Variants in MAP3K2 observed in about 807,000 individuals in gnomAD.
The protein encoded by MAP3K2 is MAP/ERK kinase kinase 2.
In MAP3K2, 24 loss-of-function variants were observed where a neutral mutation model predicts 80.3. That is an observed-to-expected ratio of 0.30 (90% CI 0.22 to 0.42). The LOEUF (loss-of-function observed/expected upper bound fraction) is 0.42, where lower values mean the gene tolerates loss of function less well. MAP3K2 is among the 10% of genes least tolerant of loss of function. The pLI is 1.00. For missense variants in MAP3K2, 608 were observed against 750.1 expected (o/e 0.81, Z 2.21); for synonymous variants, 244 against 253.7 (o/e 0.96, Z 0.36).
rs1408866464 is a variant in MAP3K2 at position 127,306,806 on chromosome 2, T to C, written c.*773A>G. The C allele has an allele frequency of 6.6e-6, 1 of 152,410 alleles. No homozygotes were observed. Among genetic ancestry groups the C allele is most frequent in the African/African-American group, 2.4e-5 (1 of 41,366 alleles). 9.4% of individuals were successfully genotyped at this position (152,410 alleles called of 1,614,324 possible). A position where few individuals can be genotyped will look rare whatever the true frequency, so the allele number is the denominator to read the frequency against. On this transcript the variant is annotated 3_prime_UTR_variant, in exon 17 of 17. Transcript: ENST00000682094. This position sits in a 1 kb window ranked among gnomAD's most constrained non-coding sequence, Gnocchi z 4.7. The stretch of plus-strand genomic sequence containing the variant: ...AAGAGTGATGTCCTTTTGTCTTTTA[T>C]TTCTATTTGCTCACAACTTGACTTT...
chr2:127,309,317 T>C (rs576927677), intron 15 of MAP3K2, among the ~76,000 whole-genome samples: 2 of 152,188 alleles, frequency 1.3e-5, no homozygotes, highest in Non-Finnish European at 1.5e-5. Flanking sequence ...AAATGTCTCA[T>C]AGGCAGGCTT....
chr2:127,374,134 C>T (rs548569851), intron 1 of MAP3K2, among the ~76,000 whole-genome samples: 116 of 152,286 alleles, frequency 7.6e-4, no homozygotes, highest in African/African-American at 2.6e-3. Flanking sequence ...ACTCAGAGAG[C>T]TGAGATTGGA....
chr2:127,328,170 G>C (rs545354525), intron 7 of MAP3K2, among the ~76,000 whole-genome samples: 190 of 152,330 alleles, frequency 1.2e-3, no homozygotes, highest in Non-Finnish European at 2.3e-3. Context: ...AGTTATTCAG[G>C]AGGCTGAGGC....
chr2:127,324,405 C>A (rs895190012), intron 9 of MAP3K2, among the ~76,000 whole-genome samples, 164 bp from the exon 10 acceptor site: 1 of 152,186 alleles, frequency 6.6e-6, no homozygotes, highest in African/African-American at 2.4e-5. Flanking sequence ...ACTACACTTA[C>A]TTGGTACATG....
At chr2:127,373,675 C>T (rs1687102732) in intron 1 of MAP3K2, among the ~76,000 whole-genome samples, 1 of 152,194 alleles carries the variant, frequency 6.6e-6, no homozygotes, top group African/African-American at 2.4e-5. Context: ...AAACACTCCC[C>T]TACAGGGTTA....
chr2:127,356,948 G>A (rs1239996845), intron 1 of MAP3K2, among the ~76,000 whole-genome samples: 9 of 152,236 alleles, frequency 5.9e-5, no homozygotes, highest in African/African-American at 2.2e-4. Flanking sequence ...AACCTACAGA[G>A]TGGGAGAAAA....
chr2:127,327,362 A>C (rs1686164434), intron 7 of MAP3K2, among the ~76,000 whole-genome samples: 1 of 152,138 alleles, frequency 6.6e-6, no homozygotes, highest in Non-Finnish European at 1.5e-5. Context: ...AAGAAAGCAA[A>C]ATTATTACCA....
chr2:127,337,829 A>C (rs1329474600), intron 3 of MAP3K2, 51 bp from the exon 4 acceptor site: 4 of 1,059,394 alleles, frequency 3.8e-6, no homozygotes, highest in Non-Finnish European at 5.4e-6. Context: ...GATCATTCAG[A>C]GATTAGATAA....
At chr2:127,351,511 T>G (rs1232053807) in intron 1 of MAP3K2, among the ~76,000 whole-genome samples, 3 of 152,152 alleles carry the variant, frequency 2.0e-5, no homozygotes, top group Admixed American at 2.0e-4. Context: ...TTTTTCCAGT[T>G]GCTCAAAACA....
intron 5 of MAP3K2, 39 bp downstream of exon 5, chr2:127,335,831 G>A: frequency 8.9e-7 from 1 of 1,121,244 alleles, no homozygotes; most frequent in Non-Finnish European, 1.3e-6. Context: ...CATTACTTTT[G>A]AAGGTAAGAT....
intron 1 of MAP3K2, among the ~76,000 whole-genome samples, chr2:127,354,821 A>G (rs1478507534): frequency 6.6e-6 from 1 of 152,084 alleles, no homozygotes; most frequent in Non-Finnish European, 1.5e-5. Context: ...TACAGTTGTC[A>G]CAGCTATATT....
intron 1 of MAP3K2, among the ~76,000 whole-genome samples, chr2:127,373,245 C>T (rs1687096068): frequency 6.6e-6 from 1 of 152,068 alleles, no homozygotes; most frequent in African/African-American, 2.4e-5. Context: ...TACTAGCAGC[C>T]CCAACAGAGC....
Position 127,317,708 on chromosome 2 carries a change from T to A in MAP3K2, c.1247A>T (p.Glu416Val). The A allele has an allele frequency of 6.2e-7, 1 of 1,600,392 alleles. No individual in the cohort carries two copies. Among genetic ancestry groups the A allele is most frequent in the Non-Finnish European group, 8.5e-7 (1 of 1,172,644 alleles). Reference protein sequence around the residue: ...EIQLLKNLLHERIVQYYGCLR... With the variant: ...EIQLLKNLLHVRIVQYYGCLR... ...ACAGCCATAATACTGAACAATTCGC[T>A]CATGTAGCAAGTTTTTCAGCAACTG... The change falls in exon 14 of 17, where the codon GAG (glutamate) becomes GTG (valine). Residue 416 changes from glutamate (E) to valine (V), a missense_variant. Around this residue, in one of 4 missense-constraint regions of MAP3K2, gnomAD observed 467 missense variants for 521.9 expected, o/e 0.89. Coordinates refer to ENST00000682094, the MANE Select transcript of MAP3K2 (RefSeq NM_001371910.2).
intron 1 of MAP3K2, among the ~76,000 whole-genome samples, chr2:127,363,844 A>T (rs1686929288): frequency 6.6e-6 from 1 of 152,066 alleles, no homozygotes; most frequent in Admixed American, 6.6e-5. Flanking sequence ...TTTACTAGAC[A>T]TGGGGTCTTG....
At chr2:127,333,287 C>CAT (rs918916653) in intron 5 of MAP3K2, among the ~76,000 whole-genome samples, 1 of 151,170 alleles carries the variant, frequency 6.6e-6, no homozygotes, top group Non-Finnish European at 1.5e-5. Context: ...AACACACACA[C>CAT]ACACACACAC....
At chr2:127,376,072 G>C (rs1369009036) in intron 1 of MAP3K2, among the ~76,000 whole-genome samples, 2 of 152,152 alleles carry the variant, frequency 1.3e-5, no homozygotes, top group East Asian at 3.8e-4. Flanking sequence ...AAAAGGGAGA[G>C]ATGTAGGAGA....
upstream of MAP3K2, chr2:127,388,074 AGGG>A (rs1209200870): frequency 1.0e-6 from 1 of 982,504 alleles, no homozygotes; most frequent in Non-Finnish European, 1.2e-6. Flanking sequence ...CGCCCGGCCC[AGGG>A]GAGTGGGTCG....
intron 11 of MAP3K2, among the ~76,000 whole-genome samples, chr2:127,323,530 T>A (rs1156912652): frequency 7.9e-5 from 12 of 151,934 alleles, no homozygotes; most frequent in South Asian, 2.1e-4. Context: ...ACAAAAAAAA[T>A]TTTTTAATTA....
intron 2 of MAP3K2, among the ~76,000 whole-genome samples, chr2:127,340,292 A>AT (rs1686451439): frequency 6.6e-6 from 1 of 152,192 alleles, no homozygotes; most frequent in Non-Finnish European, 1.5e-5. Context: ...TATAATCACA[A>AT]TAGATGTACC....
Sources: allele counts gnomAD v4.1 joint callset (sites outside exome capture counted in the v4.1 genomes callset), GRCh38; gene constraint gnomAD v4.1.1; regional missense constraint gnomAD v4.1.1; non-coding constraint Gnocchi (gnomAD v3.1); transcripts MANE v1.5; gene names NCBI Gene and HGNC (gene_info 2026-07-23, HGNC 2026-07-21).